COL4A4: variants seen among roughly 807,000 people sequenced by gnomAD.
COL4A4 encodes collagen alpha-4(IV) chain.
COL4A4 carries 105 observed loss-of-function variants against 192.9 expected under a neutral mutation model. The ratio of observed to expected loss-of-function variants is 0.54; its 90% CI spans 0.46 to 0.64. COL4A4 has a LOEUF of 0.64. Among genes scored for constraint, COL4A4 ranks in the 30% least tolerant of loss-of-function variants. The pLI is 0.00. For synonymous variants in COL4A4, 762 were observed against 769.9 expected (o/e 0.99, Z 0.17); for missense variants, 1,967 against 2,169.3 (o/e 0.91, Z 1.85).
rs1961730713 is a variant in COL4A4 at position 227,004,734 on chromosome 2, A to G, written c.*2591T>C. On this transcript the variant is annotated 3_prime_UTR_variant, in exon 48 of 48. Coordinates refer to ENST00000396625, the MANE Select transcript of COL4A4 (RefSeq NM_000092.5). ...ACTCATAGCATGGAAACCTGCCTGG[A>G]TGAATGGGCTCCACTCACTGAGAAT... 6.6e-6 allele frequency: 1 copy of G among 152,250 alleles called. No individual in the cohort carries two copies. The highest frequency in any genetic ancestry group is 2.4e-5 in the African/African-American group (1 of 41,444). 9.4% of individuals were successfully genotyped at this position (152,250 alleles called of 1,614,324 possible).
the COL4A4 span, among the ~76,000 whole-genome samples, chr2:226,992,262 A>G: frequency 2.6e-5 from 4 of 152,354 alleles, no homozygotes; most frequent in East Asian, 5.8e-4. Flanking sequence ...GCACACACAC[A>G]GTAGTCGGTG....
At position 227,007,582 on chromosome 2, in the gene COL4A4, C is replaced by G. The variant is rs750001630; in HGVS notation, c.4816G>C (p.Gly1606Arg). The G allele has an allele frequency of 6.2e-7, 1 of 1,612,462 alleles. No homozygotes were observed. Among genetic ancestry groups the G allele is most frequent in the South Asian group, 1.1e-5 (1 of 91,010 alleles). Residue 1606 changes from glycine to arginine, a missense_variant, in exon 48 of 48, where the codon GGA becomes CGA. Physicochemically the swap from Gly to Arg is moderately radical, Grantham distance 125. Coordinates refer to ENST00000396625, the MANE Select transcript of COL4A4 (RefSeq NM_000092.5). ...WIGYSFLMHT[G>R]AGDQGGGQAL... ...TGCCCTCCTCCTTGGTCCCCAGCTC[C>G]TGTGTGCTACCCAGAAAACAAGAGA...
chr2:227,114,605 C>T lies in COL4A4; in HGVS notation c.558+23G>A, dbSNP rs893172311. ...CTATTTGGAAGAAAAAATTTTTTAACCCATCATGATCATAATACTTACCTG... is the reference window on the plus strand; with the variant it reads ...CTATTTGGAAGAAAAAATTTTTTAATCCATCATGATCATAATACTTACCTG... On this transcript the variant is annotated intron_variant, in intron 8 of 47. Coordinates refer to ENST00000396625, the MANE Select transcript of COL4A4 (RefSeq NM_000092.5). 12 of 1,605,102 alleles carry T rather than the reference C, an allele frequency of 7.5e-6. No individual in the cohort carries two copies. In the East Asian group the frequency reaches 2.7e-4, roughly 36 times the overall value.
Position 227,088,684 on chromosome 2 carries a change from G to A in COL4A4, c.1592C>T (p.Pro531Leu), listed in dbSNP as rs781028305. 3.1e-6 allele frequency: 5 copies of A among 1,614,022 alleles called. No individual in the cohort carries two copies. The highest frequency in any genetic ancestry group is 8.5e-7 in the Non-Finnish European group (1 of 1,180,022). Residue 531 changes from proline to leucine, a missense_variant, in exon 22 of 48, where the codon CCT (proline) becomes CTT (leucine). Transcript: ENST00000396625. ...CCCTGGAGGTCCTTCAGCACCAGGA[G>A]GTCCTGGGTCACCTTTTGTTCCAAG... Reference protein sequence around the residue: ...GWLGTKGDPGPPGAEGPPGLP... With the variant: ...GWLGTKGDPGLPGAEGPPGLP...
rs201648982 is a variant in COL4A4 at position 227,057,474 on chromosome 2, C to G, written c.2510G>C (p.Gly837Ala). 1.2e-5 allele frequency: 20 copies of G among 1,611,504 alleles called. No individual in the cohort carries two copies. The East Asian group carries it at 4.5e-4, about 36-fold the overall frequency. Residue 837 changes from glycine (G) to alanine (A), a missense_variant, in exon 29 of 48, where the codon GGG becomes GCG. Physicochemically the swap from Gly to Ala is moderately conservative, Grantham distance 60. Coordinates refer to ENST00000396625, the MANE Select transcript of COL4A4 (RefSeq NM_000092.5). ...TGGATACCCAGGGAGTCCCGGTTGC[C>G]CTGGTATCCCTGGAGCACCTCTTTC... ...SCERGAPGIP[G>A]QPGLPGYPGS...
chr2:227,041,787 G>A (rs1342584458), intron 37 of COL4A4, among the ~76,000 whole-genome samples: 636 of 44,106 alleles, frequency 0.014, 44 homozygotes, highest in East Asian at 0.075. Flanking sequence ...AGGAAGGAAG[G>A]GAAAGAAAGA....
chr2:227,094,168 G>A lies in COL4A4; in HGVS notation c.1326C>T (p.Gly442=), dbSNP rs374806038. ...PGKPGKPGSP[G]LPGAPGLQGL... ...CCTGCAGGCCTGGTGCTCCAGGCAA[G>A]CCAGGTGATCCTGGCTTCCCTGGTT... Residue 442 remains glycine, a synonymous_variant, in exon 20 of 48, where the codon GGC becomes GGT. Transcript: ENST00000396625. The A allele has an allele frequency of 2.5e-6, 4 of 1,613,646 alleles. No homozygotes were observed. Among genetic ancestry groups the A allele is most frequent in the Non-Finnish European group, 3.4e-6 (4 of 1,179,808 alleles).
chr2:227,093,729 T>G (rs1486067793), intron 20 of COL4A4, among the ~76,000 whole-genome samples: 2 of 152,202 alleles, frequency 1.3e-5, no homozygotes, highest in African/African-American at 2.4e-5. Flanking sequence ...AGTCTTCCAT[T>G]TAGCCAGCTC....
chr2:227,057,344 C>G, intron 29 of COL4A4, 95 bp downstream of exon 29: 1 of 1,428,122 alleles, frequency 7.0e-7, no homozygotes, highest in Admixed American at 2.0e-5. Flanking sequence ...ACTCAGGACT[C>G]TTGCTTCTGG....
intron 5 of COL4A4, 40 bp downstream of exon 5, chr2:227,120,974 T>G (rs1264871202): frequency 6.2e-7 from 1 of 1,613,426 alleles, no homozygotes; most frequent in Admixed American, 1.7e-5. Context: ...GTAGTGCTGG[T>G]GAGTCTTTCA....
chr2:227,062,481 T>G, intron 26 of COL4A4, 49 bp downstream of exon 26: 3 of 1,215,130 alleles, frequency 2.5e-6, no homozygotes, highest in Non-Finnish European at 3.7e-6. Context: ...TGGTTTTTTT[T>G]TTTTTACTCT....
rs1351856671 is a variant in COL4A4, at chr2:227,099,622, T to G, written c.1097A>C (p.Lys366Thr). 1 of 1,613,952 alleles carries G rather than the reference T, an allele frequency of 6.2e-7. No homozygotes were observed. Among genetic ancestry groups the G allele is most frequent in the Admixed American group, 1.7e-5 (1 of 60,020 alleles). ...AGGAACTGAATAGGAACACAAACCT[T>G]TGAGTGGAAGAGGTGGAGTCACCAA... ...GVLVTPPLPL[K>T]GPPGDPGFPG... is the part of the protein sequence containing the mutation. Residue 366 changes from lysine to threonine, a missense_variant and splice_region_variant, in exon 18 of 48, where the codon AAA becomes ACA. Transcript: ENST00000396625.
intron 8 of COL4A4, among the ~76,000 whole-genome samples, chr2:227,113,064 G>A (rs112311606): frequency 0.037 from 5,660 of 152,172 alleles, 344 homozygotes; most frequent in African/African-American, 0.13. Flanking sequence ...TCAGTTCTTT[G>A]GGGTATATAT....
intron 4 of COL4A4, among the ~76,000 whole-genome samples, chr2:227,136,360 C>T (rs2062813440): frequency 6.6e-6 from 1 of 152,148 alleles, no homozygotes; most frequent in South Asian, 2.1e-4. Flanking sequence ...ACAGGAAAGA[C>T]AGAGGCAGAG....
At chr2:226,990,697 T>C in the COL4A4 span, among the ~76,000 whole-genome samples, 1 of 152,154 alleles carries the variant, frequency 6.6e-6, no homozygotes, top group Non-Finnish European at 1.5e-5. Flanking sequence ...CTGAACAGTT[T>C]TTCATCAAGA....
chr2:227,157,909 G>T (rs1199687974), intron 1 of COL4A4, among the ~76,000 whole-genome samples: 1 of 151,996 alleles, frequency 6.6e-6, no homozygotes, highest in Non-Finnish European at 1.5e-5. Flanking sequence ...CTTATTTTAT[G>T]AGGCTAGCAT....
At chr2:227,118,078 G>A (rs1331147972) in intron 7 of COL4A4, among the ~76,000 whole-genome samples, 3 of 152,104 alleles carry the variant, frequency 2.0e-5, no homozygotes, top group Non-Finnish European at 4.4e-5. Flanking sequence ...GTGTCTAGAC[G>A]TGGGGTGACA....
the COL4A4 span, chr2:226,988,878 A>G: frequency 4.9e-6 from 1 of 203,060 alleles, no homozygotes; most frequent in Non-Finnish European, 8.7e-6. Context: ...GTCAAAGGAG[A>G]TCCTAATTCT....
chr2:227,088,501 T>C (rs1310487674), intron 22 of COL4A4, 152 bp downstream of exon 22: 2 of 979,156 alleles, frequency 2.0e-6, no homozygotes. Context: ...GTAAGTTTCC[T>C]GAGGCCTCCC....
Sources: gnomAD v4.1 joint callset for allele counts (sites outside exome capture counted in the v4.1 genomes callset) on GRCh38, gnomAD v4.1.1 for gene constraint, MANE v1.5 for transcripts, NCBI Gene and HGNC (gene_info 2026-07-23, HGNC 2026-07-21) for gene names.